PICALM: variants seen among roughly 807,000 people sequenced by gnomAD.
PICALM encodes the protein phosphatidylinositol binding clathrin assembly protein.
Under a neutral mutation model 80.5 loss-of-function variants are expected in PICALM, and 40 were observed. The observed-to-expected ratio is 0.50, with a 90% CI of 0.39 to 0.65. The LOEUF (loss-of-function observed/expected upper bound fraction) is 0.65. PICALM is among the 30% of genes least tolerant of loss of function. PICALM has a pLI of 0.00. For missense variants in PICALM, 676 were observed against 778.9 expected, an observed-to-expected ratio of 0.87 and a Z score of 1.57; for synonymous variants, 288 against 260.3, an observed-to-expected ratio of 1.11 and a Z score of -1.02.
chr11:86,018,588 T>C (rs2095516413), intron 4 of PICALM, among the ~76,000 whole-genome samples: 1 of 152,136 alleles, frequency 6.6e-6, no homozygotes. Context: ...CAGCCATTCA[T>C]AAGAATGAGA....
rs2094292418 is a variant in PICALM at position 85,976,652 on chromosome 11, T to C, written c.1810A>G (p.Thr604Ala). The C allele has an allele frequency of 6.2e-7, 1 of 1,604,950 alleles. No homozygotes were observed. Among genetic ancestry groups the C allele is most frequent in the East Asian group, 2.2e-5 (1 of 44,778 alleles). The change falls in exon 18 of 20, where the codon ACA (threonine) becomes GCA (alanine). Residue 604 changes from threonine to alanine, a missense_variant. Coordinates refer to ENST00000393346, the MANE Select transcript of PICALM (RefSeq NM_007166.4). ...APPVMAYPAT[T>A]PTGMIGYGIP... ...CCATATCCTATCATGCCTGTTGGTG[T>C]AGTAGCAGGATAGGCCATTACAGGG...
At chr11:86,022,680 G>A (rs1351983847) in intron 3 of PICALM, among the ~76,000 whole-genome samples, 1 of 151,492 alleles carries the variant, frequency 6.6e-6, no homozygotes, top group African/African-American at 2.4e-5. Flanking sequence ...AATCAGATAA[G>A]TCCTATGTAG....
At chr11:86,011,172 T>C in intron 6 of PICALM, 36 bp from the exon 7 acceptor site, 1 of 921,738 alleles carries the variant, frequency 1.1e-6, no homozygotes, top group South Asian at 1.5e-5. Flanking sequence ...TTTGTTCACA[T>C]CAAAATATAA....
chr11:86,034,285 C>T (rs2095805883), intron 1 of PICALM, among the ~76,000 whole-genome samples: 1 of 152,124 alleles, frequency 6.6e-6, no homozygotes, highest in South Asian at 2.1e-4. Context: ...CTCAGCCAGT[C>T]ATTTTCTCCA....
chr11:86,038,567 G>T (rs981002938), intron 1 of PICALM, among the ~76,000 whole-genome samples: 4 of 151,984 alleles, frequency 2.6e-5, no homozygotes, highest in African/African-American at 9.7e-5. Context: ...TGGATCATGA[G>T]GTCAGGAGTT....
intron 1 of PICALM, among the ~76,000 whole-genome samples, chr11:86,058,173 GCA>G (rs10589376): frequency 0.5 from 75,245 of 151,704 alleles, 19,040 homozygotes; most frequent in East Asian, 0.59. Context: ...TTAAAATATG[GCA>G]CACATTCCTA....
At chr11:86,046,361 TCA>T (rs2096071633) in intron 1 of PICALM, among the ~76,000 whole-genome samples, 1 of 152,242 alleles carries the variant, frequency 6.6e-6, no homozygotes, top group Non-Finnish European at 1.5e-5. Context: ...AATTAGTCAC[TCA>T]GTTTCCATTT....
intron 2 of PICALM, among the ~76,000 whole-genome samples, chr11:86,029,547 CA>C (rs1363247665): frequency 6.6e-6 from 1 of 152,214 alleles, no homozygotes; most frequent in Non-Finnish European, 1.5e-5. Context: ...AGTCAATCTA[CA>C]AAATGACTGT....
Position 86,007,569 on chromosome 11 carries a change from G to C in PICALM, c.780C>G (p.Asp260Glu). ...FLKVAEQVGI[D>E]RGDIPDLSQA... Reference sequence around the variant, plus strand: ...GTGAAAGGTCTGGTATATCACCTCTGTCAATTCCAACTTGCTGTAAGAAAA... The same window carrying C: ...GTGAAAGGTCTGGTATATCACCTCTCTCAATTCCAACTTGCTGTAAGAAAA... The change falls in exon 8 of 20, where the codon GAC becomes GAG. Residue 260 changes from aspartate (D) to glutamate (E), a missense_variant. Transcript: ENST00000393346. 6.7e-7 allele frequency: 1 copy of C among 1,487,742 alleles called. No homozygotes were observed. The allele number at this position is 1,487,742 out of a possible 1,614,324, so 92.2% of individuals were successfully genotyped here. A position where few individuals can be genotyped will look rare whatever the true frequency, so the allele number is the denominator to read the frequency against.
At position 85,996,915 on chromosome 11, in the gene PICALM, G is replaced by C. The variant is rs755185214; in HGVS notation, c.1169C>G (p.Pro390Arg). 6.2e-7 allele frequency: 1 copy of C among 1,611,110 alleles called. No homozygotes were observed. Reference sequence around the variant, plus strand: ...CTGCTGCAAATCAAGCAGATCATTGGGCAGCTTTGATGTGCTAGAAAGATA... The same window carrying C: ...CTGCTGCAAATCAAGCAGATCATTGCGCAGCTTTGATGTGCTAGAAAGATA... ...PSSSNSTSKL[P>R]NDLLDLQQPT... The change falls in exon 12 of 20, where the codon CCC becomes CGC. Residue 390 changes from proline (P) to arginine (R), a missense_variant. Pro to Arg is a moderately radical substitution (Grantham distance 103). Coordinates refer to ENST00000393346, the MANE Select transcript of PICALM (RefSeq NM_007166.4).
At position 86,068,976 on chromosome 11, in the gene PICALM, G is replaced by A. The variant is rs1370861838; in HGVS notation, c.-196C>T. The A allele has an allele frequency of 1.5e-5, 10 of 650,848 alleles. No individual in the cohort carries two copies. In the Admixed American group the frequency reaches 1.9e-4, roughly 13 times the overall value. 40.3% of individuals were successfully genotyped at this position (650,848 alleles called of 1,614,324 possible). A position where few individuals can be genotyped will look rare whatever the true frequency, so the allele number is the denominator to read the frequency against. On this transcript the variant is annotated 5_prime_UTR_variant, in exon 1 of 20. Coordinates refer to ENST00000393346, the MANE Select transcript of PICALM (RefSeq NM_007166.4). ...ACCGGCTCGTGTCACCCGCGGAGTC[G>A]GACAAGATGTCGGGCACTCCCTTGC...
At chr11:86,045,184 C>A (rs781744698) in intron 1 of PICALM, among the ~76,000 whole-genome samples, 3 of 152,010 alleles carry the variant, frequency 2.0e-5, no homozygotes, top group Non-Finnish European at 4.4e-5. Context: ...TAAATCACTA[C>A]AAAATAAAGC....
intron 7 of PICALM, among the ~76,000 whole-genome samples, chr11:86,008,952 C>CAAAAAAAAAAAAAAAAAAAAAA (rs59740555): frequency 1.6e-5 from 1 of 62,842 alleles, no homozygotes; most frequent in African/African-American, 6.1e-5. Flanking sequence ...AAAAAAAAGC[C>CAAAAAAAAAAAAAAAAAAAAAA]AAAAAAAAAA....
chr11:86,050,331 C>T (rs1312426592), intron 1 of PICALM, among the ~76,000 whole-genome samples: 2 of 150,848 alleles, frequency 1.3e-5, no homozygotes, highest in Admixed American at 6.6e-5. Flanking sequence ...ACTAGATGTA[C>T]ATGTACTGCA....
intron 19 of PICALM, chr11:85,969,761 C>A: frequency 3.8e-6 from 1 of 260,268 alleles, no homozygotes; most frequent in South Asian, 3.7e-5. Context: ...TTAAGTGATC[C>A]TCCTACCTCA....
At chr11:85,993,380 C>T (rs2094854244) in intron 12 of PICALM, among the ~76,000 whole-genome samples, 1 of 151,858 alleles carries the variant, frequency 6.6e-6, no homozygotes, top group Non-Finnish European at 1.5e-5. Flanking sequence ...GCCACTGCAC[C>T]CAGTCTAAAA....
chr11:86,041,292 G>A (rs1432702158), intron 1 of PICALM, among the ~76,000 whole-genome samples: 1 of 152,156 alleles, frequency 6.6e-6, no homozygotes, highest in Non-Finnish European at 1.5e-5. Context: ...AAGCTTCAGT[G>A]CAGCAAATTT....
At chr11:85,964,157 T>A (rs959041251) in intron 19 of PICALM, among the ~76,000 whole-genome samples, 1 of 152,082 alleles carries the variant, frequency 6.6e-6, no homozygotes, top group African/African-American at 2.4e-5. Context: ...AAAGTGAGGC[T>A]AGTGGAATTA....
intron 1 of PICALM, among the ~76,000 whole-genome samples, chr11:86,037,847 T>C (rs969765985): frequency 2.6e-5 from 4 of 152,236 alleles, no homozygotes; most frequent in African/African-American, 9.6e-5. Context: ...ATAAAGGAAC[T>C]ATAACACTGT....
Sources: allele counts gnomAD v4.1 joint callset (sites outside exome capture counted in the v4.1 genomes callset), GRCh38; gene constraint gnomAD v4.1.1; transcripts MANE v1.5; gene names NCBI Gene and HGNC (gene_info 2026-07-23, HGNC 2026-07-21).